PIWIL1: variants seen among roughly 807,000 people sequenced by gnomAD.
PIWIL1 encodes the protein piwi-like protein 1.
Under a neutral mutation model 114.4 loss-of-function variants are expected in PIWIL1, and 73 were observed. The observed-to-expected ratio is 0.64, with a 90% CI of 0.53 to 0.78. The LOEUF (loss-of-function observed/expected upper bound fraction) is 0.78. Ranked by LOEUF, PIWIL1 falls within the 30% of genes least tolerant of loss-of-function variation. The pLI, the probability that PIWIL1 is intolerant of heterozygous loss-of-function variation, is 0.00. For synonymous variants in PIWIL1, 375 were observed against 369.0 expected, an observed-to-expected ratio of 1.02 and a Z score of -0.19; for missense variants, 723 against 1,063.1, an observed-to-expected ratio of 0.68 and a Z score of 4.45.
the PIWIL1 span, among the ~76,000 whole-genome samples, chr12:130,383,211 G>C: frequency 6.6e-6 from 1 of 152,286 alleles, no homozygotes; most frequent in African/African-American, 2.4e-5. Flanking sequence ...CGTTCCACCA[G>C]GAGGATATGC....
Position 130,349,895 on chromosome 12 carries a change from G to C in PIWIL1, c.972G>C (p.Trp324Cys). 6.2e-7 allele frequency: 1 copy of C among 1,612,894 alleles called. No homozygotes were observed. Among genetic ancestry groups the C allele is most frequent in the Non-Finnish European group, 8.5e-7 (1 of 1,179,156 alleles). The change falls in exon 9 of 21, where the codon TGG (tryptophan) becomes TGC (cysteine). Residue 324 changes from tryptophan to cysteine, a missense_variant. This residue lies in a region of PIWIL1 where 298 missense variants were observed against 420.8 expected (regional missense o/e 0.71). Transcript: ENST00000245255. ...CATACAGAGTGGATGATATTGACTGGGACCAGAATCCCAAGAGCACCTTTA... is the reference window on the plus strand; with the variant it reads ...CATACAGAGTGGATGATATTGACTGCGACCAGAATCCCAAGAGCACCTTTA... ...NKTYRVDDID[W>C]DQNPKSTFKK...
At chr12:130,388,111 C>T in the PIWIL1 span, among the ~76,000 whole-genome samples, 1 of 152,044 alleles carries the variant, frequency 6.6e-6, no homozygotes, top group South Asian at 2.1e-4. Context: ...TGAAGAATGT[C>T]TTCTTTTCAT....
chr12:130,342,515 T>G, intron 1 of PIWIL1, 65 bp from the exon 2 acceptor site: 1 of 923,490 alleles, frequency 1.1e-6, no homozygotes, highest in Non-Finnish European at 1.8e-6. Flanking sequence ...TAAAGTAACA[T>G]TGTAGAAATT....
intron 9 of PIWIL1, among the ~76,000 whole-genome samples, chr12:130,350,293 C>G (rs983360690): frequency 6.6e-6 from 1 of 152,202 alleles, no homozygotes. Flanking sequence ...CATACTGTCT[C>G]TCCCTCCATA....
At chr12:130,424,990 A>G in the PIWIL1 span, 27 of 459,774 alleles carry the variant, frequency 5.9e-5, no homozygotes, top group Non-Finnish European at 8.7e-5. The surrounding 1 kb of genome is among the most constrained non-coding windows in gnomAD (Gnocchi z 9.8). Flanking sequence ...GCATGCGTCT[A>G]CTCAGGCCGG....
the PIWIL1 span, among the ~76,000 whole-genome samples, chr12:130,404,744 T>C: frequency 6.6e-6 from 1 of 152,178 alleles, no homozygotes; most frequent in Admixed American, 6.5e-5. Flanking sequence ...TTCCAAAAGC[T>C]AAATGTACAT....
At chr12:130,350,025 C>A in intron 9 of PIWIL1, 58 bp downstream of exon 9, 1 of 953,092 alleles carries the variant, frequency 1.0e-6, no homozygotes, top group South Asian at 1.5e-5. Context: ...GTAGAATTCT[C>A]TAACACTTGT....
the PIWIL1 span, chr12:130,407,860 A>G: frequency 1.3e-6 from 2 of 1,584,102 alleles, no homozygotes; most frequent in South Asian, 2.2e-5. Context: ...AAAGAAATCC[A>G]TCATGAGGTT....
the PIWIL1 span, chr12:130,424,602 C>A: frequency 8.1e-7 from 1 of 1,231,840 alleles, no homozygotes; most frequent in Non-Finnish European, 1.0e-6. This position sits in a 1 kb window ranked among gnomAD's most constrained non-coding sequence, Gnocchi z 9.8. Context: ...GGCCCCCGAG[C>A]CCCTGTGCTT....
intron 12 of PIWIL1, among the ~76,000 whole-genome samples, chr12:130,356,057 T>A (rs74803757): frequency 0.012 from 1,831 of 152,168 alleles, 32 homozygotes; most frequent in African/African-American, 0.042. Flanking sequence ...TTTTTTTTTT[T>A]TTCAATAACT....
chr12:130,380,391 AAAG>A, the PIWIL1 span, among the ~76,000 whole-genome samples: 2 of 152,208 alleles, frequency 1.3e-5, no homozygotes, highest in Non-Finnish European at 2.9e-5. Context: ...AACTGGAAAA[AAAG>A]ACCAATGTCA....
the PIWIL1 span, among the ~76,000 whole-genome samples, chr12:130,418,964 T>G: frequency 1.3e-5 from 2 of 152,096 alleles, no homozygotes; most frequent in Non-Finnish European, 2.9e-5. Flanking sequence ...CACGTTGTTT[T>G]GGGGGGAAGA....
At chr12:130,370,193 G>T (rs564225746) in intron 19 of PIWIL1, among the ~76,000 whole-genome samples, 1 of 151,480 alleles carries the variant, frequency 6.6e-6, no homozygotes, top group African/African-American at 2.4e-5. Context: ...AATCTTTATT[G>T]GGTCAAATTA....
At chr12:130,408,345 C>A in the PIWIL1 span, among the ~76,000 whole-genome samples, 1 of 152,230 alleles carries the variant, frequency 6.6e-6, no homozygotes, top group Non-Finnish European at 1.5e-5. Context: ...CGAACATAAA[C>A]AGGGATGCCT....
At chr12:130,412,794 C>G in the PIWIL1 span, 1 of 1,604,664 alleles carries the variant, frequency 6.2e-7, no homozygotes, top group Non-Finnish European at 8.5e-7. Context: ...AAACCTAGAG[C>G]CAAGGGGGAA....
intron 18 of PIWIL1, among the ~76,000 whole-genome samples, chr12:130,366,908 C>T (rs1339114359): frequency 6.6e-6 from 1 of 152,104 alleles, no homozygotes; most frequent in East Asian, 1.9e-4. Flanking sequence ...TCTACATGAC[C>T]GTGTGTCACA....
chr12:130,349,092 A>G (rs2073147356), intron 7 of PIWIL1, 147 bp from the exon 8 acceptor site: 1 of 578,834 alleles, frequency 1.7e-6, no homozygotes, highest in Admixed American at 3.1e-5. Flanking sequence ...TAAAGCTGGA[A>G]CCATGTAAAT....
the PIWIL1 span, chr12:130,424,591 CG>C: frequency 8.1e-7 from 1 of 1,231,958 alleles, no homozygotes; most frequent in Non-Finnish European, 1.0e-6. The surrounding 1 kb of genome is among the most constrained non-coding windows in gnomAD (Gnocchi z 9.8). Context: ...ACGTGGGGGA[CG>C]GCCCCCGAGC....
the PIWIL1 span, among the ~76,000 whole-genome samples, chr12:130,405,948 A>G: frequency 6.6e-6 from 1 of 152,240 alleles, no homozygotes; most frequent in Non-Finnish European, 1.5e-5. Context: ...CATTGAAAAC[A>G]CTAGTATTAG....
Sources: gnomAD v4.1 joint callset for allele counts (sites outside exome capture counted in the v4.1 genomes callset) on GRCh38, gnomAD v4.1.1 for gene constraint, gnomAD v4.1.1 regional missense constraint, Gnocchi (gnomAD v3.1) non-coding constraint, MANE v1.5 for transcripts, NCBI Gene and HGNC (gene_info 2026-07-23, HGNC 2026-07-21) for gene names.